INPP5F: variants seen among roughly 807,000 people sequenced by gnomAD.
The protein encoded by INPP5F is inositol polyphosphate-5-phosphatase F, also known as phosphatidylinositide 4-phosphatase SAC2.
Under a neutral mutation model 137.2 loss-of-function variants are expected in INPP5F, and 97 were observed. The observed-to-expected ratio is 0.71, with a 90% CI of 0.60 to 0.84. The LOEUF (loss-of-function observed/expected upper bound fraction) is 0.84. Ranked by LOEUF, INPP5F falls within the 40% of genes least tolerant of loss-of-function variation. The probability of loss-of-function intolerance (pLI) is 0.00; values close to 1 mark genes in which losing one functional copy is unlikely to be tolerated. For synonymous variants in INPP5F, 504 were observed against 476.9 expected, an observed-to-expected ratio of 1.06 and a Z score of -0.74; for missense variants, 1,271 against 1,371.9, an observed-to-expected ratio of 0.93 and a Z score of 1.16.
intron 2 of INPP5F, among the ~76,000 whole-genome samples, chr10:119,778,252 CCCTCCCTGG>C (rs1486817444): frequency 6.6e-6 from 1 of 152,120 alleles, no homozygotes; most frequent in Non-Finnish European, 1.5e-5. Flanking sequence ...ATGTGATCTG[CCCTCCCTGG>C]CCTCCCAAAG....
At chr10:119,795,267 A>G (rs1280655995) in intron 6 of INPP5F, among the ~76,000 whole-genome samples, 1 of 144,804 alleles carries the variant, frequency 6.9e-6, no homozygotes, top group Non-Finnish European at 1.5e-5. Flanking sequence ...TGACCCCCCT[A>G]CCTCCCTCGC....
intron 2 of INPP5F, among the ~76,000 whole-genome samples, chr10:119,763,046 A>T (rs948743577): frequency 1.3e-5 from 2 of 152,210 alleles, no homozygotes; most frequent in Non-Finnish European, 2.9e-5. Context: ...GAAACCATAC[A>T]AGTTATGTAC....
intron 9 of INPP5F, among the ~76,000 whole-genome samples, chr10:119,803,193 A>G (rs1438095983): frequency 6.6e-6 from 1 of 152,214 alleles, no homozygotes; most frequent in South Asian, 2.1e-4. Flanking sequence ...TTTTAAAGTT[A>G]TGCTTAGAAA....
chr10:119,730,888 A>G (rs1388517623), intron 1 of INPP5F, among the ~76,000 whole-genome samples: 1 of 151,854 alleles, frequency 6.6e-6, no homozygotes, highest in Non-Finnish European at 1.5e-5. Context: ...CCCAGGTTCA[A>G]GCAATTCTCC....
At chr10:119,814,365 T>G (rs1191713257) in intron 15 of INPP5F, 1 of 152,054 alleles carries the variant, frequency 6.6e-6, no homozygotes, top group Non-Finnish European at 1.5e-5. Flanking sequence ...CCAACCTAGG[T>G]GACAGAGTGA....
intron 2 of INPP5F, among the ~76,000 whole-genome samples, chr10:119,765,997 C>T (rs185702515): frequency 3.0e-4 from 45 of 151,842 alleles, no homozygotes; most frequent in Admixed American, 2.8e-3. Context: ...ATGGAGGCTG[C>T]CATCTGCAAT....
chr10:119,781,220 T>A (rs893427215), intron 2 of INPP5F, among the ~76,000 whole-genome samples: 3 of 152,236 alleles, frequency 2.0e-5, no homozygotes, highest in Non-Finnish European at 2.9e-5. Context: ...TTCCCAAAGA[T>A]GGGATCACTG....
chr10:119,784,027 C>A (rs1849793988), intron 3 of INPP5F, among the ~76,000 whole-genome samples: 1 of 152,082 alleles, frequency 6.6e-6, no homozygotes, highest in Non-Finnish European at 1.5e-5. Context: ...TCCTTTTAAT[C>A]CTGTTTTATG....
chr10:119,742,231 C>G (rs753471239), intron 1 of INPP5F, among the ~76,000 whole-genome samples: 1 of 151,726 alleles, frequency 6.6e-6, no homozygotes, highest in African/African-American at 2.4e-5. Flanking sequence ...TCTCAGCTCA[C>G]TGCAACCTCT....
chr10:119,734,574 G>T (rs1357745012), intron 1 of INPP5F, among the ~76,000 whole-genome samples: 1 of 152,084 alleles, frequency 6.6e-6, no homozygotes, highest in Non-Finnish European at 1.5e-5. Context: ...GCCTCAAGCA[G>T]TCCTCCTGCT....
In INPP5F at chr10:119,827,155, A is replaced by T. The variant is rs767669564; in HGVS notation, c.2774A>T (p.His925Leu). The T allele has an allele frequency of 6.2e-6, 10 of 1,614,114 alleles. No individual in the cohort carries two copies. The highest frequency in any genetic ancestry group is 8.5e-6 in the Non-Finnish European group (10 of 1,180,036). The change falls in exon 20 of 20, where the codon CAT (histidine) becomes CTT (leucine). Residue 925 changes from histidine (H) to leucine (L), a missense_variant. This residue lies in a region of INPP5F where 490 missense variants were observed against 443.7 expected (regional missense o/e 1.10). Transcript: ENST00000650623. ...GCTCCTTCAGAGATTACTGTTGCTC[A>T]TGGGAGTGGGCTTGGAAAAGGCCAG... Reference protein sequence around the residue: ...VHAPSEITVAHGSGLGKGQES... With the variant: ...VHAPSEITVALGSGLGKGQES...
Position 119,776,662 on chromosome 10 carries a change from CTGTGTGTGTGTGTGTATGTGTGTTTG to C in INPP5F, c.179-4958_179-4933del, listed in dbSNP as rs1212366270. Among the ~76,000 whole-genome samples, 150 of 150,984 alleles carry C rather than the reference CTGTGTGTGTGTGTGTATGTGTGTTTG, an allele frequency of 9.9e-4. 2 individuals are homozygous for C. Among genetic ancestry groups the C allele is most frequent in the African/African-American group, 3.4e-3 (139 of 41,236 alleles). ...GATGTAAACTAGGAAGGGCCTTCCTCTGTGTGTGTGTGTGTATGTGTGTTTGTGTGTGTGTGTGTGACCCACAGAGA... is the reference window on the plus strand; with the variant it reads ...GATGTAAACTAGGAAGGGCCTTCCTCTGTGTGTGTGTGTGACCCACAGAGA... On this transcript the variant is annotated intron_variant, in intron 2 of 19. Transcript: ENST00000650623.
At chr10:119,742,013 G>C (rs979878327) in intron 1 of INPP5F, among the ~76,000 whole-genome samples, 4 of 151,994 alleles carry the variant, frequency 2.6e-5, no homozygotes, top group Admixed American at 6.6e-5. Flanking sequence ...TAGAGATGGG[G>C]TTTCCTCATG....
intron 2 of INPP5F, among the ~76,000 whole-genome samples, chr10:119,756,882 A>AAG (rs1848863113): frequency 6.6e-6 from 1 of 151,138 alleles, no homozygotes; most frequent in African/African-American, 2.4e-5. Context: ...AAAAAAAAAA[A>AAG]AAAAGGTTCT....
chr10:119,807,391 C>T (rs149888347), intron 12 of INPP5F, among the ~76,000 whole-genome samples: 7,170 of 152,262 alleles, frequency 0.047, 300 homozygotes, highest in South Asian at 0.25. Flanking sequence ...TGAGTTTAAG[C>T]CCTGGCTCTA....
intron 2 of INPP5F, among the ~76,000 whole-genome samples, chr10:119,776,188 G>T (rs1424752630): frequency 6.6e-6 from 1 of 152,160 alleles, no homozygotes; most frequent in African/African-American, 2.4e-5. Context: ...CTTGAAAAAG[G>T]AAGGCTACTA....
At chr10:119,769,411 GCA>G (rs1423975834) in intron 2 of INPP5F, among the ~76,000 whole-genome samples, 1 of 152,126 alleles carries the variant, frequency 6.6e-6, no homozygotes, top group Non-Finnish European at 1.5e-5. Context: ...GGGACTGCAG[GCA>G]CACACCACCG....
intron 3 of INPP5F, among the ~76,000 whole-genome samples, chr10:119,790,808 C>G (rs1434645554): frequency 1.3e-5 from 2 of 152,248 alleles, no homozygotes; most frequent in Non-Finnish European, 2.9e-5. Flanking sequence ...AATCCCTCAA[C>G]TTTAATCAGG....
In INPP5F at chr10:119,826,845, G is replaced by A; in HGVS notation, c.2464G>A (p.Val822Ile). Residue 822 changes from valine (V) to isoleucine (I), a missense_variant, in exon 20 of 20, where the codon GTA becomes ATA. By Grantham distance (29) the Val-to-Ile change is conservative (BLOSUM62 3). Transcript: ENST00000650623. ...TAACTTTCTAAAACCAAACTTAAAAGTAAATCTTTGGAAATCAGATAGTAG... is the reference window on the plus strand; with the variant it reads ...TAACTTTCTAAAACCAAACTTAAAAATAAATCTTTGGAAATCAGATAGTAG... ...KVNFLKPNLKVNLWKSDSSLE... is the reference protein window; with the variant it reads ...KVNFLKPNLKINLWKSDSSLE... 6.2e-7 allele frequency: 1 copy of A among 1,613,660 alleles called. No homozygotes were observed. Among genetic ancestry groups the A allele is most frequent in the Non-Finnish European group, 8.5e-7 (1 of 1,179,800 alleles).
Sources: allele counts gnomAD v4.1 joint callset (sites outside exome capture counted in the v4.1 genomes callset), GRCh38; gene constraint gnomAD v4.1.1; regional missense constraint gnomAD v4.1.1; transcripts MANE v1.5; gene names NCBI Gene and HGNC (gene_info 2026-07-23, HGNC 2026-07-21).